The following DLG1 variants were observed in gnomAD, a reference collection of about 807,000 sequenced individuals.
DLG1 encodes disks large homolog 1.
DLG1 carries 42 observed loss-of-function variants against 123.4 expected under a neutral mutation model. The ratio of observed to expected loss-of-function variants is 0.34; its 90% confidence interval spans 0.27 to 0.44. The LOEUF is 0.44. Among genes scored for constraint, DLG1 ranks in the 20% least tolerant of loss-of-function variants. The pLI, the probability that DLG1 is intolerant of heterozygous loss-of-function variation, is 1.00. For synonymous variants in DLG1, 317 were observed against 356.2 expected (o/e 0.89, Z 1.24); for missense variants, 942 against 1,082.6 (o/e 0.87, Z 1.82).
At chr3:197,196,164 T>A (rs1722370883) in intron 4 of DLG1, among the ~76,000 whole-genome samples, 1 of 87,034 alleles carries the variant, frequency 1.1e-5, no homozygotes, top group South Asian at 3.8e-4. Context: ...CGTTTGTAAA[T>A]GCACACCAAA....
chr3:197,188,977 C>T lies in DLG1; in HGVS notation c.483+5448G>A, dbSNP rs559555751. The stretch of plus-strand genomic sequence containing the variant: ...TTACACCCCTCAAATAATTATTTTA[C>T]GTGGCATCTGCCACAGTAACCTAGG... On this transcript the variant is annotated intron_variant, in intron 5 of 24. Coordinates refer to ENST00000667157, the MANE Select transcript of DLG1 (RefSeq NM_001366207.1). 1.4e-4 allele frequency among the ~76,000 whole-genome samples: 21 copies of T among 152,290 alleles called. 1 individual carries two copies. The South Asian group carries it at 2.7e-3, about 20-fold the overall frequency.
chr3:197,297,164 G>A (rs1777842230), intron 2 of DLG1, 22 bp downstream of exon 2: 2 of 1,613,880 alleles, frequency 1.2e-6, no homozygotes, highest in Non-Finnish European at 1.7e-6. Context: ...ATCGACAACA[G>A]AGTTACGGAA....
At chr3:197,158,511 G>A (rs932389221) in intron 5 of DLG1, among the ~76,000 whole-genome samples, 7 of 149,804 alleles carry the variant, frequency 4.7e-5, no homozygotes, top group African/African-American at 1.5e-4. Flanking sequence ...GCACATGCCT[G>A]TAATCCCAGC....
chr3:197,133,886 T>G (rs6583196), intron 10 of DLG1, among the ~76,000 whole-genome samples: 2 of 152,016 alleles, frequency 1.3e-5, no homozygotes, highest in African/African-American at 4.8e-5. Flanking sequence ...TCAATTAAGA[T>G]GAGGACTGAG....
intron 4 of DLG1, among the ~76,000 whole-genome samples, chr3:197,264,189 C>T (rs1760730457): frequency 6.6e-6 from 1 of 152,182 alleles, no homozygotes; most frequent in African/African-American, 2.4e-5. Context: ...TAACCACAAC[C>T]ACTTTTTAAT....
At chr3:197,060,952 C>A (rs373440132) in intron 22 of DLG1, among the ~76,000 whole-genome samples, 1 of 152,070 alleles carries the variant, frequency 6.6e-6, no homozygotes, top group African/African-American at 2.4e-5. Flanking sequence ...AACAGGTGTG[C>A]GCCACCACAC....
chr3:197,189,087 T>C (rs1717770357), intron 5 of DLG1, among the ~76,000 whole-genome samples: 1 of 152,226 alleles, frequency 6.6e-6, no homozygotes. Context: ...GAATACAATC[T>C]GTCAGAAAGT....
intron 13 of DLG1, among the ~76,000 whole-genome samples, chr3:197,106,886 T>C (rs1478461217): frequency 1.3e-5 from 2 of 152,166 alleles, no homozygotes; most frequent in Non-Finnish European, 2.9e-5. Flanking sequence ...TCGCATACCA[T>C]AGAATTCACA....
chr3:197,142,317 G>C (rs1377582325), intron 7 of DLG1, among the ~76,000 whole-genome samples: 1 of 152,106 alleles, frequency 6.6e-6, no homozygotes. Context: ...GTAGTTTCCT[G>C]GATGGGCCTC....
intron 5 of DLG1, chr3:197,194,204 A>C (rs1577881249): frequency 6.9e-6 from 2 of 290,462 alleles, no homozygotes; most frequent in South Asian, 2.8e-4. Context: ...TTTAGACTTA[A>C]AGATAGCATC....
intron 4 of DLG1, among the ~76,000 whole-genome samples, chr3:197,240,589 C>G (rs1047955466): frequency 2.0e-5 from 3 of 152,060 alleles, no homozygotes. Context: ...GACCAATATT[C>G]AAAGTAGTAT....
intron 18 of DLG1, chr3:197,075,813 C>A: frequency 1.2e-6 from 2 of 1,607,726 alleles, no homozygotes; most frequent in Non-Finnish European, 1.7e-6. Flanking sequence ...TAAAAAATAA[C>A]TTGGGAGTAT....
chr3:197,229,286 A>G (rs1315246275), intron 4 of DLG1, among the ~76,000 whole-genome samples: 2 of 151,998 alleles, frequency 1.3e-5, no homozygotes, highest in Admixed American at 1.3e-4. Context: ...TGAGGCCAGA[A>G]GTTCGAGACC....
intron 5 of DLG1, among the ~76,000 whole-genome samples, chr3:197,180,128 C>A: frequency 6.8e-6 from 1 of 146,636 alleles, no homozygotes; most frequent in Non-Finnish European, 1.5e-5. Context: ...TTCAAGTAGT[C>A]CAAAATGTAT....
chr3:197,198,622 T>C (rs1723956864), intron 4 of DLG1, among the ~76,000 whole-genome samples: 1 of 152,094 alleles, frequency 6.6e-6, no homozygotes, highest in Admixed American at 6.5e-5. Context: ...GGGCAAAAGA[T>C]TTAAACATTT....
chr3:197,178,423 C>A (rs1808314090), intron 5 of DLG1, among the ~76,000 whole-genome samples: 1 of 151,932 alleles, frequency 6.6e-6, no homozygotes, highest in African/African-American at 2.4e-5. Context: ...AGATTGAGAC[C>A]AATAAAACTA....
intron 5 of DLG1, among the ~76,000 whole-genome samples, chr3:197,187,505 G>GT (rs1716791373): frequency 6.6e-6 from 1 of 152,066 alleles, no homozygotes; most frequent in African/African-American, 2.4e-5. Context: ...CATTGACCCT[G>GT]TTTTTTCTGT....
At chr3:197,081,157 CAT>C (rs754046470) in intron 16 of DLG1, 40 bp from the exon 17 acceptor site, 3 of 1,571,626 alleles carry the variant, frequency 1.9e-6, no homozygotes, top group Non-Finnish European at 2.6e-6. Flanking sequence ...GTAAACCAAA[CAT>C]ATCTGGGGTC....
intron 11 of DLG1, among the ~76,000 whole-genome samples, chr3:197,128,822 T>C (rs1389330560): frequency 1.3e-5 from 2 of 152,132 alleles, no homozygotes; most frequent in Admixed American, 1.3e-4. Flanking sequence ...AGAGCACTAA[T>C]ATTTTGAAAG....
Sources: allele counts gnomAD v4.1 joint callset (sites outside exome capture counted in the v4.1 genomes callset), GRCh38; gene constraint gnomAD v4.1.1; transcripts MANE v1.5; gene names NCBI Gene and HGNC (gene_info 2026-07-23, HGNC 2026-07-21).